The following CAMLG variants were observed in gnomAD, a reference collection of about 807,000 sequenced individuals.
CAMLG encodes guided entry of tail-anchored proteins factor CAMLG.
In CAMLG, 23 loss-of-function variants were observed where a neutral mutation model predicts 28.9. The observed-to-expected ratio is 0.80, with a 90% CI of 0.57 to 1.13. The LOEUF (loss-of-function observed/expected upper bound fraction) is 1.13. CAMLG is among the 50% of genes most tolerant of loss of function. The probability of loss-of-function intolerance (pLI) is 0.00; values close to 1 mark genes in which losing one functional copy is unlikely to be tolerated. For synonymous variants in CAMLG, 141 were observed against 146.5 expected (o/e 0.96, Z 0.27); for missense variants, 367 against 371.9 (o/e 0.99, Z 0.11).
intron 2 of CAMLG, among the ~76,000 whole-genome samples, chr5:134,742,558 C>G (rs932013166): frequency 1.3e-5 from 2 of 152,006 alleles, no homozygotes; most frequent in African/African-American, 4.8e-5. Context: ...CATAATGAGT[C>G]CATTTTGGTT....
At position 134,750,948 on chromosome 5, in the gene CAMLG, T is replaced by C. The variant is rs762875582; in HGVS notation, c.889T>C (p.Ter297ArgextTer3). The stretch of plus-strand genomic sequence containing the variant: ...TGATTATTGGGGCTCTGAAGTACCA[T>C]GAAGCCTGTAGAACTGAGAAGGAGA... ...LLDYWGSEVP[*>R] The change falls in exon 4 of 4, where the codon TGA (stop) becomes CGA (arginine). Residue 297 changes from the stop codon to arginine, a stop_lost. Transcript: ENST00000297156. 4.4e-6 allele frequency: 7 copies of C among 1,608,924 alleles called. No individual in the cohort carries two copies. In the East Asian group the frequency reaches 6.7e-5, roughly 15 times the overall value.
At chr5:134,742,571 A>G (rs73788700) in intron 2 of CAMLG, among the ~76,000 whole-genome samples, 1,925 of 152,252 alleles carry the variant, frequency 0.013, 43 homozygotes, top group African/African-American at 0.044. Flanking sequence ...TTTTGGTTGT[A>G]CCATGATGTA....
chr5:134,739,448 C>G (rs946816605), intron 1 of CAMLG, among the ~76,000 whole-genome samples: 2 of 152,322 alleles, frequency 1.3e-5, no homozygotes, highest in East Asian at 3.9e-4. Flanking sequence ...AGAGTTTCCT[C>G]TCCTCATGAG....
chr5:134,750,487 G>A (rs556722458), intron 3 of CAMLG, among the ~76,000 whole-genome samples: 6 of 151,782 alleles, frequency 4.0e-5, no homozygotes, highest in South Asian at 2.1e-4. Flanking sequence ...GCAGTGAGCC[G>A]AGATCGTGCC....
chr5:134,750,932 G>T lies in CAMLG; in HGVS notation c.873G>T (p.Trp291Cys). Reference protein sequence around the residue: ...FIFCHELLDYWGSEVP With the variant: ...FIFCHELLDYCGSEVP ...TTTGTCATGAACTGCTTGATTATTG[G>T]GGCTCTGAAGTACCATGAAGCCTGT... Residue 291 changes from tryptophan to cysteine, a missense_variant, in exon 4 of 4, where the codon TGG (tryptophan) becomes TGT (cysteine). Transcript: ENST00000297156. The T allele has an allele frequency of 6.2e-7, 1 of 1,613,226 alleles. No homozygotes were observed. The highest frequency in any genetic ancestry group is 8.5e-7 in the Non-Finnish European group (1 of 1,179,654).
intron 3 of CAMLG, among the ~76,000 whole-genome samples, chr5:134,746,622 G>C (rs1753052021): frequency 6.6e-6 from 1 of 152,016 alleles, no homozygotes; most frequent in African/African-American, 2.4e-5. Flanking sequence ...GACTACAGGT[G>C]TGAGTGACCA....
At chr5:134,746,145 A>G (rs1249579885) in intron 3 of CAMLG, among the ~76,000 whole-genome samples, 1 of 149,074 alleles carries the variant, frequency 6.7e-6, no homozygotes, top group Admixed American at 6.6e-5. Flanking sequence ...CTCAAAAAAA[A>G]AAAAAAAAAA....
intron 2 of CAMLG, among the ~76,000 whole-genome samples, chr5:134,742,177 C>T (rs950217162): frequency 6.6e-5 from 10 of 152,126 alleles, no homozygotes; most frequent in African/African-American, 2.4e-4. Context: ...AACCTGGTAC[C>T]AGTCCTCTGC....
At position 134,738,644 on chromosome 5, in the gene CAMLG, C is replaced by G. The variant is rs943270359; in HGVS notation, c.24C>G (p.Thr8=). ...GGATGGAGTCGATGGCCGTCGCTAC[C>G]GACGGCGGGGAGAGGCCGGGGGTCC... MESMAVA[T]DGGERPGVPA... The change falls in exon 1 of 4, where the codon ACC becomes ACG. Residue 8 remains threonine (T), a synonymous_variant. Coordinates refer to ENST00000297156, the MANE Select transcript of CAMLG (RefSeq NM_001745.4). 2.5e-6 allele frequency: 4 copies of G among 1,612,074 alleles called. No individual in the cohort carries two copies. The highest frequency in any genetic ancestry group is 3.4e-6 in the Non-Finnish European group (4 of 1,179,404).
At position 134,750,877 on chromosome 5, in the gene CAMLG, ATC is replaced by A. The variant is rs1393658690; in HGVS notation, c.822_823del (p.Val276LeufsTer10). The A allele has an allele frequency of 1.9e-6, 3 of 1,613,824 alleles. No homozygotes were observed. The highest frequency in any genetic ancestry group is 4.5e-5 in the East Asian group (2 of 44,850). On this transcript the variant is annotated frameshift_variant, in exon 4 of 4. Transcript: ENST00000297156. LOFTEE classifies it high-confidence loss of function. ...AGCAAAATGGGCGAAGTCTTCACAG[ATC>A]TCTGTGTCTACTTTTTCACTTTTAT...
At position 134,741,097 on chromosome 5, in the gene CAMLG, C is replaced by G; in HGVS notation, c.207C>G (p.Asp69Glu). ...GTCAAACAAAATCAAAGCAGCAGGA[C>G]AGTGATAAACTGAACTCCCTCAGCG... ...EESQTKSKQQ[D>E]SDKLNSLSVP... Residue 69 changes from aspartate to glutamate, a missense_variant, in exon 2 of 4, where the codon GAC becomes GAG. Transcript: ENST00000297156. 1 of 1,613,684 alleles carries G rather than the reference C, an allele frequency of 6.2e-7. No individual in the cohort carries two copies. The highest frequency in any genetic ancestry group is 8.5e-7 in the Non-Finnish European group (1 of 1,179,578).
In CAMLG at chr5:134,738,596, C is replaced by T. The variant is rs1752945667; in HGVS notation, c.-25C>T. The T allele has an allele frequency of 1.9e-6, 3 of 1,564,266 alleles. No homozygotes were observed. The highest frequency in any genetic ancestry group is 1.4e-5 in the African/African-American group (1 of 72,546). ...GCGGCCAACATCACCGCCACTGCCACCCCTCCCAGACTGTGGACGGGAGGA... is the reference window on the plus strand; with the variant it reads ...GCGGCCAACATCACCGCCACTGCCATCCCTCCCAGACTGTGGACGGGAGGA... On this transcript the variant is annotated 5_prime_UTR_variant, in exon 1 of 4. Coordinates refer to ENST00000297156, the MANE Select transcript of CAMLG (RefSeq NM_001745.4).
At chr5:134,740,276 C>T (rs1428155812) in intron 1 of CAMLG, among the ~76,000 whole-genome samples, 2 of 152,158 alleles carry the variant, frequency 1.3e-5, no homozygotes, top group Non-Finnish European at 2.9e-5. Context: ...TGCCTGACTA[C>T]ATAAACAGTA....
chr5:134,751,042 C>A lies in CAMLG; in HGVS notation c.*92C>A. The stretch of plus-strand genomic sequence containing the variant: ...CTAAAGGAGGCAAATTGGTTTACAC[C>A]TTCATGTAATTCTTTTACTTTAGGG... On this transcript the variant is annotated 3_prime_UTR_variant, in exon 4 of 4. Coordinates refer to ENST00000297156, the MANE Select transcript of CAMLG (RefSeq NM_001745.4). 1.2e-6 allele frequency: 1 copy of A among 839,670 alleles called. No individual in the cohort carries two copies. The highest frequency in any genetic ancestry group is 2.5e-5 in the East Asian group (1 of 39,684). 52.0% of individuals were successfully genotyped at this position (839,670 alleles called of 1,614,324 possible). A position where few individuals can be genotyped will look rare whatever the true frequency, so the allele number is the denominator to read the frequency against.
chr5:134,738,569 C>G lies in CAMLG; in HGVS notation c.-52C>G. 6.9e-7 allele frequency: 1 copy of G among 1,449,638 alleles called. No individual in the cohort carries two copies. The highest frequency in any genetic ancestry group is 9.3e-7 in the Non-Finnish European group (1 of 1,073,494). 89.8% of individuals were successfully genotyped at this position (1,449,638 alleles called of 1,614,324 possible). A position where few individuals can be genotyped will look rare whatever the true frequency, so the allele number is the denominator to read the frequency against. On this transcript the variant is annotated 5_prime_UTR_variant, in exon 1 of 4. Transcript: ENST00000297156. ...CGGCCTCTAGTCATCGCCCTCGCAGCGGCGGCCAACATCACCGCCACTGCC... is the reference window on the plus strand; with the variant it reads ...CGGCCTCTAGTCATCGCCCTCGCAGGGGCGGCCAACATCACCGCCACTGCC...
chr5:134,739,168 C>T (rs186894245), intron 1 of CAMLG, among the ~76,000 whole-genome samples: 1 of 152,330 alleles, frequency 6.6e-6, no homozygotes, highest in Non-Finnish European at 1.5e-5. Context: ...GGCTTTCCTT[C>T]TTAAGGTTCC....
intron 1 of CAMLG, among the ~76,000 whole-genome samples, chr5:134,740,607 T>C (rs964191057): frequency 6.6e-6 from 1 of 152,166 alleles, no homozygotes; most frequent in East Asian, 1.9e-4. Context: ...TTCTTTTTTT[T>C]GTTTTGAGAT....
rs1485729825 is a variant in CAMLG, at chr5:134,743,990, A to G, written c.637A>G (p.Ile213Val). 1 of 1,341,520 alleles carries G rather than the reference A, an allele frequency of 7.5e-7. No individual in the cohort carries two copies. Among genetic ancestry groups the G allele is most frequent in the Non-Finnish European group, 1.1e-6 (1 of 935,462 alleles). The allele number at this position is 1,341,520 out of a possible 1,614,324, so 83.1% of individuals were successfully genotyped here. A position where few individuals can be genotyped will look rare whatever the true frequency, so the allele number is the denominator to read the frequency against. ...ATTTTATCTTCTATCTTCACAGTCC[A>G]TATTTGCTCCATTTCTTACTTTACA... ...VRAFVCKYLS[I>V]FAPFLTLQLA... The change falls in exon 3 of 4, where the codon ATA becomes GTA. Residue 213 changes from isoleucine (I) to valine (V), a missense_variant. Physicochemically the swap from Ile to Val is conservative, Grantham distance 29. Transcript: ENST00000297156.
At chr5:134,744,238 A>G (rs1175267512) in intron 3 of CAMLG, among the ~76,000 whole-genome samples, 186 bp downstream of exon 3, 1 of 152,142 alleles carries the variant, frequency 6.6e-6, no homozygotes, top group Non-Finnish European at 1.5e-5. Context: ...AAAAATGAGT[A>G]ATTGGCCGGG....
Sources: allele counts gnomAD v4.1 joint callset (sites outside exome capture counted in the v4.1 genomes callset), GRCh38; gene constraint gnomAD v4.1.1; transcripts MANE v1.5; gene names NCBI Gene and HGNC (gene_info 2026-07-23, HGNC 2026-07-21).